Variants in TMBIM4 observed in about 807,000 individuals in gnomAD.
TMBIM4 encodes the protein protein lifeguard 4.
Under a neutral mutation model 27.7 loss-of-function variants are expected in TMBIM4, and 28 were observed. The observed-to-expected ratio is 1.01, with a 90% CI of 0.75 to 1.38. The LOEUF is 1.38. TMBIM4 is among the 40% of genes most tolerant of loss of function. The probability of loss-of-function intolerance (pLI) is 0.00; values close to 1 mark genes in which losing one functional copy is unlikely to be tolerated. For missense variants in TMBIM4, 265 were observed against 277.5 expected (o/e 0.95, Z 0.32); for synonymous variants, 115 against 113.1 (o/e 1.02, Z -0.11).
intron 5 of TMBIM4, chr12:66,139,556 A>C (rs996028713): frequency 2.2e-6 from 1 of 453,416 alleles, no homozygotes; most frequent in African/African-American, 2.0e-5. Context: ...GCCAGCGTGT[A>C]GGGATAAGAA....
chr12:66,147,466 T>A (rs985371570), intron 4 of TMBIM4, among the ~76,000 whole-genome samples: 2 of 152,192 alleles, frequency 1.3e-5, no homozygotes, highest in Admixed American at 1.3e-4. Flanking sequence ...AAATTACCAC[T>A]GTTTCTTGCA....
chr12:66,169,598 G>A, intron 1 of TMBIM4: 1 of 453,136 alleles, frequency 2.2e-6, no homozygotes, highest in Non-Finnish European at 3.9e-6. Context: ...TGGGGAGCCG[G>A]GGCGCACACA....
chr12:66,155,314 TGG>T (rs2051912947), intron 1 of TMBIM4, among the ~76,000 whole-genome samples: 1 of 100,188 alleles, frequency 1.0e-5, no homozygotes, highest in Non-Finnish European at 2.4e-5. Context: ...CACACCAGGA[TGG>T]GGTGTGTGTG....
chr12:66,149,712 G>C (rs985654912), intron 3 of TMBIM4, among the ~76,000 whole-genome samples: 3 of 152,064 alleles, frequency 2.0e-5, no homozygotes, highest in Non-Finnish European at 4.4e-5. Context: ...TGAAAATATC[G>C]TAAGTAAAAA....
Position 66,138,773 on chromosome 12 carries a change from T to A in TMBIM4, c.465-4A>T. On this transcript the variant is annotated splice_polypyrimidine_tract_variant and splice_region_variant and intron_variant, in intron 5 of 6. Transcript: ENST00000358230. ...TATCCACAAAAGAGCAAACAGCCTA[T>A]AAAAATACAATTTTAGTAATTTGCA... 6 of 1,542,686 alleles carry A rather than the reference T, an allele frequency of 3.9e-6. No individual in the cohort carries two copies. The highest frequency in any genetic ancestry group is 5.2e-6 in the Non-Finnish European group (6 of 1,154,092).
intron 1 of TMBIM4, among the ~76,000 whole-genome samples, chr12:66,156,003 T>A (rs2051929678): frequency 6.6e-6 from 1 of 152,202 alleles, no homozygotes. Context: ...TTTAAGTTCA[T>A]ACTAAAAAAT....
chr12:66,160,262 T>C, intron 1 of TMBIM4: 1 of 703,036 alleles, frequency 1.4e-6, no homozygotes, highest in Non-Finnish European at 2.6e-6. Context: ...GTGCAGAAGG[T>C]ATCCTCATAT....
chr12:66,150,232 T>C (rs746960752), intron 3 of TMBIM4, among the ~76,000 whole-genome samples: 1 of 152,170 alleles, frequency 6.6e-6, no homozygotes, highest in Non-Finnish European at 1.5e-5. Context: ...TCTTTTTTTT[T>C]ATACTTCCTC....
At chr12:66,152,607 T>C (rs2051864722) in intron 2 of TMBIM4, among the ~76,000 whole-genome samples, 1 of 152,024 alleles carries the variant, frequency 6.6e-6, no homozygotes, top group South Asian at 2.1e-4. Context: ...GGGGGAAACT[T>C]TTTCTTTTTA....
At chr12:66,144,385 A>T (rs943399040) in intron 5 of TMBIM4, among the ~76,000 whole-genome samples, 3 of 152,204 alleles carry the variant, frequency 2.0e-5, no homozygotes, top group Non-Finnish European at 4.4e-5. Flanking sequence ...AATCTAGGTA[A>T]AAGTGGAAAC....
chr12:66,165,184 A>G (rs958288430), intron 1 of TMBIM4, among the ~76,000 whole-genome samples: 1 of 152,196 alleles, frequency 6.6e-6, no homozygotes. Flanking sequence ...TCCCAATGGC[A>G]TCTTTCACAG....
intron 4 of TMBIM4, among the ~76,000 whole-genome samples, chr12:66,147,340 AG>A (rs1592539407): frequency 1.3e-5 from 2 of 152,190 alleles, no homozygotes; most frequent in African/African-American, 4.8e-5. Context: ...TGAGACAATC[AG>A]AATTTCTATT....
At chr12:66,164,563 G>A (rs1015580408) in intron 1 of TMBIM4, among the ~76,000 whole-genome samples, 8 of 152,160 alleles carry the variant, frequency 5.3e-5, no homozygotes, top group African/African-American at 1.9e-4. Flanking sequence ...AAGTCAACAA[G>A]GCAGATTAGC....
chr12:66,161,744 T>C (rs2052044250), intron 1 of TMBIM4, among the ~76,000 whole-genome samples: 1 of 152,204 alleles, frequency 6.6e-6, no homozygotes, highest in Non-Finnish European at 1.5e-5. Context: ...TTTGTAGTGA[T>C]GTGAGGGACG....
At chr12:66,169,254 T>C in intron 1 of TMBIM4, 1 of 698,770 alleles carries the variant, frequency 1.4e-6, no homozygotes, top group Non-Finnish European at 2.6e-6. Flanking sequence ...GCCCATTGGC[T>C]ACTACGTAAT....
intron 1 of TMBIM4, chr12:66,160,248 G>A (rs1233883246): frequency 2.8e-6 from 2 of 703,238 alleles, no homozygotes; most frequent in East Asian, 5.4e-5. Context: ...CAGTGTGGCT[G>A]AGGGTGCAGA....
chr12:66,169,864 T>C lies in TMBIM4; in HGVS notation c.88A>G (p.Ile30Val). Residue 30 changes from isoleucine to valine, a missense_variant, in exon 1 of 7, where the codon ATC becomes GTC. Coordinates refer to ENST00000358230, the MANE Select transcript of TMBIM4 (RefSeq NM_016056.4). ...GSSVASATVH[I>V]RMAFLRKVYS... ...AGAGGGGACAACGTACCCATTCGGA[T>C]GTGCACGGTGGCGGAGGCCACGCTG... The C allele has an allele frequency of 6.6e-7, 1 of 1,513,630 alleles. No individual in the cohort carries two copies. Among genetic ancestry groups the C allele is most frequent in the East Asian group, 2.8e-5 (1 of 35,792 alleles). 93.8% of individuals were successfully genotyped at this position (1,513,630 alleles called of 1,614,324 possible).
In TMBIM4 at chr12:66,169,980, G is replaced by A; in HGVS notation, c.-29C>T. On this transcript the variant is annotated 5_prime_UTR_variant, in exon 1 of 7. Coordinates refer to ENST00000358230, the MANE Select transcript of TMBIM4 (RefSeq NM_016056.4). Reference sequence around the variant, plus strand: ...GGCAACAGCACCCCTACCGGTCCCGGTCCACTAACCGCAACCGCCTCCTCC... The same window carrying A: ...GGCAACAGCACCCCTACCGGTCCCGATCCACTAACCGCAACCGCCTCCTCC... The A allele has an allele frequency of 6.9e-7, 1 of 1,446,644 alleles. No individual in the cohort carries two copies. Among genetic ancestry groups the A allele is most frequent in the Non-Finnish European group, 9.2e-7 (1 of 1,091,016 alleles). 89.6% of individuals were successfully genotyped at this position (1,446,644 alleles called of 1,614,324 possible). A position where few individuals can be genotyped will look rare whatever the true frequency, so the allele number is the denominator to read the frequency against.
At chr12:66,141,741 G>A (rs2051672158) in intron 5 of TMBIM4, among the ~76,000 whole-genome samples, 1 of 152,058 alleles carries the variant, frequency 6.6e-6, no homozygotes, top group Non-Finnish European at 1.5e-5. Context: ...GCTAAAGAAG[G>A]TCACTTCATA....
Sources: gnomAD v4.1 joint callset for allele counts (sites outside exome capture counted in the v4.1 genomes callset) on GRCh38, gnomAD v4.1.1 for gene constraint, MANE v1.5 for transcripts, NCBI Gene and HGNC (gene_info 2026-07-23, HGNC 2026-07-21) for gene names.